Variants in KLF9 observed in about 807,000 individuals in gnomAD.
KLF9 encodes Krueppel-like factor 9.
In KLF9, 2 loss-of-function variants were observed where a neutral mutation model predicts 17.3. That is an observed-to-expected ratio of 0.12 (90% CI 0.05 to 0.36). The LOEUF (loss-of-function observed/expected upper bound fraction) is 0.36, where lower values mean the gene tolerates loss of function less well. Ranked by LOEUF, KLF9 falls within the 10% of genes least tolerant of loss-of-function variation. The pLI is 1.00. For synonymous variants in KLF9, 138 were observed against 139.2 expected (o/e 0.99, Z 0.06); for missense variants, 226 against 333.2 (o/e 0.68, Z 2.51).
chr9:70,385,780 G>C lies in KLF9; in HGVS notation c.*1996C>G, dbSNP rs1436927230. The stretch of plus-strand genomic sequence containing the variant: ...GAAATTAAAATTTGGTTTAAAATAA[G>C]TGTTTCAAAAATCTGAAACAGAGGT... On this transcript the variant is annotated 3_prime_UTR_variant, in exon 2 of 2. Transcript: ENST00000377126. The C allele has an allele frequency of 6.6e-6, 1 of 152,594 alleles. No homozygotes were observed. Among genetic ancestry groups the C allele is most frequent in the East Asian group, 1.9e-4 (1 of 5,202 alleles). The allele number at this position is 152,594 out of a possible 1,614,324, so 9.5% of individuals were successfully genotyped here. A position where few individuals can be genotyped will look rare whatever the true frequency, so the allele number is the denominator to read the frequency against.
chr9:70,391,988 C>T (rs1220659931), intron 1 of KLF9, among the ~76,000 whole-genome samples: 3 of 152,112 alleles, frequency 2.0e-5, no homozygotes, highest in African/African-American at 7.2e-5. Context: ...TATTTACTAT[C>T]AGGACCTTTT....
intron 1 of KLF9, among the ~76,000 whole-genome samples, chr9:70,410,260 T>G (rs953633406): frequency 6.6e-6 from 1 of 152,242 alleles, no homozygotes; most frequent in African/African-American, 2.4e-5. Context: ...ATCCTCTGAT[T>G]TTTAGATGTT....
At chr9:70,398,175 C>A (rs1401977055) in intron 1 of KLF9, among the ~76,000 whole-genome samples, 1 of 152,194 alleles carries the variant, frequency 6.6e-6, no homozygotes, top group Non-Finnish European at 1.5e-5. Context: ...CTCACTGAAT[C>A]CTGCTTGTGA....
intron 1 of KLF9, among the ~76,000 whole-genome samples, chr9:70,408,454 GA>G (rs79655428): frequency 0.038 from 5,822 of 152,248 alleles, 148 homozygotes; most frequent in East Asian, 0.094. Context: ...GGGGTAGAGA[GA>G]ATGTGTCCCT....
chr9:70,386,017 G>A lies in KLF9; in HGVS notation c.*1759C>T, dbSNP rs2037108362. ...GCCGTGACCCGCGCCCACTGCAGGA[G>A]CCCACACTGATTCTGAATCAGAAAC... is the stretch of plus-strand genomic sequence containing the variant. On this transcript the variant is annotated 3_prime_UTR_variant, in exon 2 of 2. Transcript: ENST00000377126. The A allele has an allele frequency of 6.6e-6, 1 of 152,268 alleles. No individual in the cohort carries two copies. The highest frequency in any genetic ancestry group is 1.5e-5 in the Non-Finnish European group (1 of 68,026). The allele number at this position is 152,268 out of a possible 1,614,324, so 9.4% of individuals were successfully genotyped here. A position where few individuals can be genotyped will look rare whatever the true frequency, so the allele number is the denominator to read the frequency against.
chr9:70,388,245 GCCTTAATCCA>G (rs550829461), intron 1 of KLF9, among the ~76,000 whole-genome samples: 3 of 152,260 alleles, frequency 2.0e-5, no homozygotes, highest in African/African-American at 7.2e-5. Context: ...ATGAGGGCAG[GCCTTAATCCA>G]CGACTGGTGT....
chr9:70,408,760 A>G (rs2037274426), intron 1 of KLF9, among the ~76,000 whole-genome samples: 1 of 151,920 alleles, frequency 6.6e-6, no homozygotes. Context: ...CAAAATTCCC[A>G]CCTAAGTTAG....
intron 1 of KLF9, among the ~76,000 whole-genome samples, chr9:70,389,333 C>A (rs1035687402): frequency 6.6e-6 from 1 of 152,098 alleles, no homozygotes; most frequent in African/African-American, 2.4e-5. Flanking sequence ...GCCCTTCTCA[C>A]TGAATTTTCA....
intron 1 of KLF9, among the ~76,000 whole-genome samples, chr9:70,400,070 AG>A (rs1046375344): frequency 3.2e-4 from 49 of 152,318 alleles, no homozygotes; most frequent in African/African-American, 1.1e-3. Context: ...ACATGCCTAG[AG>A]GAAGTGCCTT....
chr9:70,390,167 A>G (rs1418191875), intron 1 of KLF9, among the ~76,000 whole-genome samples: 1 of 152,228 alleles, frequency 6.6e-6, no homozygotes, highest in Admixed American at 6.5e-5. Flanking sequence ...TAGTCATAAC[A>G]ACACCCTGTA....
intron 1 of KLF9, among the ~76,000 whole-genome samples, chr9:70,392,960 A>G (rs1259669090): frequency 1.3e-5 from 2 of 152,206 alleles, no homozygotes; most frequent in Non-Finnish European, 2.9e-5. Flanking sequence ...ACCCAGAGGC[A>G]GTGACACAAT....
At chr9:70,392,817 C>T (rs1201378969) in intron 1 of KLF9, among the ~76,000 whole-genome samples, 1 of 152,104 alleles carries the variant, frequency 6.6e-6, no homozygotes, top group Non-Finnish European at 1.5e-5. Flanking sequence ...CACAGCAATG[C>T]AACTATCAAT....
intron 1 of KLF9, among the ~76,000 whole-genome samples, chr9:70,409,406 C>T (rs2037294340): frequency 6.6e-6 from 1 of 151,168 alleles, no homozygotes; most frequent in Admixed American, 6.6e-5. Flanking sequence ...AGAAACAAGG[C>T]CTAAGGTTTC....
At chr9:70,394,045 G>C (rs1010312701) in intron 1 of KLF9, among the ~76,000 whole-genome samples, 1 of 121,200 alleles carries the variant, frequency 8.3e-6, no homozygotes, top group African/African-American at 3.1e-5. Flanking sequence ...AAAAAAAAAA[G>C]AGTGGTTTCT....
chr9:70,400,335 G>A (rs926596055), intron 1 of KLF9, among the ~76,000 whole-genome samples: 6 of 152,086 alleles, frequency 3.9e-5, no homozygotes, highest in Non-Finnish European at 8.8e-5. Context: ...CATGACAGAC[G>A]TCTCAGTGGA....
chr9:70,388,649 G>A lies in KLF9; in HGVS notation c.506-644C>T, dbSNP rs149249032. 1.1e-3 allele frequency among the ~76,000 whole-genome samples: 167 copies of A among 152,168 alleles called. 1 individual carries two copies. The South Asian group carries it at 0.021, about 19-fold the overall frequency. ...CTGAGCCTTTTTGCTAAATTTCTTG[G>A]TGTTGTAGGATGGAAAAGAATTGGC... is the stretch of plus-strand genomic sequence containing the variant. On this transcript the variant is annotated intron_variant, in intron 1 of 1. Coordinates refer to ENST00000377126, the MANE Select transcript of KLF9 (RefSeq NM_001206.4).
At chr9:70,409,136 ATATATATG>A (rs1325640461) in intron 1 of KLF9, among the ~76,000 whole-genome samples, 5 of 54,756 alleles carry the variant, frequency 9.1e-5, no homozygotes, top group Admixed American at 2.9e-4. Flanking sequence ...ATATGTATAC[ATATATATG>A]TATATGTATA....
In KLF9 at chr9:70,389,429, G is replaced by A. The variant is rs146573391; in HGVS notation, c.506-1424C>T. Among the ~76,000 whole-genome samples, 3 of 152,284 alleles carry A rather than the reference G, an allele frequency of 2.0e-5. No individual in the cohort carries two copies. The East Asian group carries it at 5.8e-4, about 29-fold the overall frequency. On this transcript the variant is annotated intron_variant, in intron 1 of 1. Transcript: ENST00000377126. ...ACTCTGTACTCAGGGTCACATAACT[G>A]GAAAGCAGAGTAATGAACTGGCCCT...
chr9:70,412,214 A>AAAAG (rs2037322083), intron 1 of KLF9, among the ~76,000 whole-genome samples: 1 of 146,422 alleles, frequency 6.8e-6, no homozygotes, highest in African/African-American at 2.5e-5. Flanking sequence ...AAAAAAAAAA[A>AAAAG]GTCAGCTCTG....
Sources: allele counts gnomAD v4.1 joint callset (sites outside exome capture counted in the v4.1 genomes callset), GRCh38; gene constraint gnomAD v4.1.1; transcripts MANE v1.5; gene names NCBI Gene and HGNC (gene_info 2026-07-23, HGNC 2026-07-21).